Variants in PKIB observed in about 807,000 individuals in gnomAD.
PKIB encodes PKI-beta.
In PKIB, 2 loss-of-function variants were observed where a neutral mutation model predicts 4.5. The observed-to-expected ratio is 0.44, with a 90% CI of 0.18 to 1.39. The LOEUF (loss-of-function observed/expected upper bound fraction) is 1.39. Ranked by LOEUF, PKIB falls within the 40% of genes most tolerant of loss-of-function variation. The pLI is 0.27. For synonymous variants in PKIB, 38 were observed against 36.0 expected (o/e 1.06, Z -0.20); for missense variants, 94 against 92.6 (o/e 1.02, Z -0.06).
intron 2 of PKIB, among the ~76,000 whole-genome samples, chr6:122,672,475 G>A (rs966159023): frequency 4.6e-5 from 7 of 152,098 alleles, no homozygotes; most frequent in Non-Finnish European, 8.8e-5. Flanking sequence ...TTTGTAAAGG[G>A]TATCAATACA....
chr6:122,489,541 A>G (rs1775879182), intron 2 of PKIB, among the ~76,000 whole-genome samples: 1 of 152,208 alleles, frequency 6.6e-6, no homozygotes, highest in Non-Finnish European at 1.5e-5. Context: ...AGCCTGGCCA[A>G]AACAGTAATT....
At chr6:122,596,781 C>T (rs1774191450) in intron 3 of PKIB, among the ~76,000 whole-genome samples, 2 of 152,200 alleles carry the variant, frequency 1.3e-5, no homozygotes, top group Admixed American at 1.3e-4. Context: ...ACCTCAAGCA[C>T]CATTGGATCT....
intron 3 of PKIB, among the ~76,000 whole-genome samples, chr6:122,685,942 C>A (rs1033698106): frequency 1.3e-5 from 2 of 152,092 alleles, no homozygotes; most frequent in Non-Finnish European, 2.9e-5. Flanking sequence ...TTTCAATTAA[C>A]ATAATGTCTT....
intron 2 of PKIB, among the ~76,000 whole-genome samples, chr6:122,506,094 A>G (rs1280947566): frequency 2.0e-5 from 3 of 152,130 alleles, no homozygotes; most frequent in African/African-American, 7.2e-5. Flanking sequence ...CATTTTTGTG[A>G]CCATATGAAT....
At chr6:122,537,360 C>T (rs893153610) in intron 2 of PKIB, among the ~76,000 whole-genome samples, 1 of 151,988 alleles carries the variant, frequency 6.6e-6, no homozygotes, top group African/African-American at 2.4e-5. Context: ...TGTTCCCCTT[C>T]CTGTGTCCAT....
intron 2 of PKIB, among the ~76,000 whole-genome samples, chr6:122,563,001 G>A (rs921301990): frequency 3.3e-5 from 5 of 151,876 alleles, no homozygotes; most frequent in Non-Finnish European, 7.4e-5. Flanking sequence ...TCCATTGCTG[G>A]TGCACTACTG....
At chr6:122,593,139 A>G (rs1273956090) in intron 3 of PKIB, among the ~76,000 whole-genome samples, 1 of 152,192 alleles carries the variant, frequency 6.6e-6, no homozygotes, top group Non-Finnish European at 1.5e-5. Flanking sequence ...GAATGAAACT[A>G]AATCTAACAC....
At chr6:122,543,004 C>T (rs539415096) in intron 2 of PKIB, among the ~76,000 whole-genome samples, 21 of 151,844 alleles carry the variant, frequency 1.4e-4, no homozygotes, top group African/African-American at 4.4e-4. Context: ...CATGGGCATA[C>T]GACCCTCTGA....
intron 3 of PKIB, among the ~76,000 whole-genome samples, chr6:122,689,732 T>C (rs992004714): frequency 2.0e-5 from 3 of 152,320 alleles, no homozygotes; most frequent in South Asian, 4.1e-4. Context: ...ATTCTGCAGC[T>C]GTTGGATAAA....
chr6:122,723,093 T>C (rs541728468), intron 4 of PKIB, among the ~76,000 whole-genome samples: 1 of 152,214 alleles, frequency 6.6e-6, no homozygotes, highest in Non-Finnish European at 1.5e-5. Context: ...CTCCTTCAGC[T>C]TTTCTTTCCT....
At chr6:122,714,467 C>T (rs1043897892) in intron 3 of PKIB, among the ~76,000 whole-genome samples, 9 of 151,954 alleles carry the variant, frequency 5.9e-5, no homozygotes, top group African/African-American at 2.2e-4. Flanking sequence ...TTTCCAGCAT[C>T]GATCTACAAA....
At chr6:122,703,605 A>C (rs1778920764) in intron 3 of PKIB, among the ~76,000 whole-genome samples, 1 of 152,008 alleles carries the variant, frequency 6.6e-6, no homozygotes, top group Admixed American at 6.6e-5. Context: ...TTGGAAATAA[A>C]AACAGTGTGT....
chr6:122,542,599 C>T (rs557382020), intron 2 of PKIB, among the ~76,000 whole-genome samples: 32 of 152,096 alleles, frequency 2.1e-4, no homozygotes, highest in African/African-American at 7.0e-4. Flanking sequence ...GAGGAGTACC[C>T]GGCCGTGTGA....
At chr6:122,689,173 G>A (rs757039472) in intron 3 of PKIB, among the ~76,000 whole-genome samples, 1 of 151,710 alleles carries the variant, frequency 6.6e-6, no homozygotes, top group African/African-American at 2.4e-5. Flanking sequence ...TTCTTAGTCT[G>A]GCTAAAGGTT....
chr6:122,522,482 G>A, intron 2 of PKIB, among the ~76,000 whole-genome samples: 1 of 152,190 alleles, frequency 6.6e-6, no homozygotes, highest in Non-Finnish European at 1.5e-5. Flanking sequence ...AACTCCTGCA[G>A]CTAGCTCAGT....
At chr6:122,506,511 G>T (rs1776401937) in intron 2 of PKIB, among the ~76,000 whole-genome samples, 1 of 152,000 alleles carries the variant, frequency 6.6e-6, no homozygotes, top group African/African-American at 2.4e-5. Flanking sequence ...CCAAATTATG[G>T]GAAACTGGGC....
chr6:122,509,653 G>A (rs941335999), intron 2 of PKIB, among the ~76,000 whole-genome samples: 5 of 151,816 alleles, frequency 3.3e-5, no homozygotes, highest in Admixed American at 2.0e-4. Context: ...GGATGGTGTC[G>A]ATCTCCTGAC....
At chr6:122,716,952 A>G (rs1036557737) in intron 3 of PKIB, among the ~76,000 whole-genome samples, 8 of 152,218 alleles carry the variant, frequency 5.3e-5, no homozygotes, top group African/African-American at 1.9e-4. Flanking sequence ...GGCTAGCATT[A>G]CATAGCTTTT....
At chr6:122,614,182 G>A (rs1203336582) in intron 1 of PKIB, among the ~76,000 whole-genome samples, 5 of 152,036 alleles carry the variant, frequency 3.3e-5, no homozygotes, top group African/African-American at 9.7e-5. Context: ...GTTCAGAGAT[G>A]TTTAGATAAA....
Sources: gnomAD v4.1 joint callset for allele counts (sites outside exome capture counted in the v4.1 genomes callset) on GRCh38, gnomAD v4.1.1 for gene constraint, MANE v1.5 for transcripts, NCBI Gene and HGNC (gene_info 2026-07-23, HGNC 2026-07-21) for gene names.